The following RBFOX3 variants were observed in gnomAD, a reference collection of about 807,000 sequenced individuals.
The protein encoded by RBFOX3 is RNA binding protein fox-1 homolog 3.
Under a neutral mutation model 48.7 loss-of-function variants are expected in RBFOX3, and 17 were observed. That is an observed-to-expected ratio of 0.35 (90% CI 0.24 to 0.52). The LOEUF (loss-of-function observed/expected upper bound fraction) is 0.52. RBFOX3 is among the 20% of genes least tolerant of loss of function. The probability of loss-of-function intolerance (pLI) is 0.94; values close to 1 mark genes in which losing one functional copy is unlikely to be tolerated. For synonymous variants in RBFOX3, 212 were observed against 209.5 expected, an observed-to-expected ratio of 1.01 and a Z score of -0.10; for missense variants, 382 against 497.5, an observed-to-expected ratio of 0.77 and a Z score of 2.21.
chr17:79,382,710 C>G (rs1010289330), intron 2 of RBFOX3, among the ~76,000 whole-genome samples: 1 of 152,240 alleles, frequency 6.6e-6, no homozygotes, highest in Non-Finnish European at 1.5e-5. Flanking sequence ...CTTCTGAATG[C>G]CATTCACCCA....
At chr17:79,614,306 T>A (rs1599295548), upstream of RBFOX3, among the ~76,000 whole-genome samples, 1 of 152,154 alleles carries the variant, frequency 6.6e-6, no homozygotes, top group East Asian at 1.9e-4. Flanking sequence ...AGAGCCCCCC[T>A]TTTCCCTCAC....
At chr17:79,411,255 G>A (rs2064287835) in intron 2 of RBFOX3, among the ~76,000 whole-genome samples, 1 of 152,152 alleles carries the variant, frequency 6.6e-6, no homozygotes, top group South Asian at 2.1e-4. Context: ...CTATATCGAA[G>A]GGTCCCAAAG....
chr17:79,096,058 G>A (rs2075173557), intron 12 of RBFOX3, among the ~76,000 whole-genome samples: 1 of 152,224 alleles, frequency 6.6e-6, no homozygotes, highest in Admixed American at 6.5e-5. Flanking sequence ...AAGGGCACAA[G>A]AGGACGTGAG....
intron 2 of RBFOX3, among the ~76,000 whole-genome samples, chr17:79,330,088 C>T (rs1174179347): frequency 1.3e-5 from 2 of 152,198 alleles, no homozygotes; most frequent in Non-Finnish European, 1.5e-5. Context: ...ACATGAACTC[C>T]AGAGACTCTT....
intron 4 of RBFOX3, among the ~76,000 whole-genome samples, chr17:79,144,026 A>C (rs2042490887): frequency 6.6e-6 from 1 of 152,220 alleles, no homozygotes; most frequent in Non-Finnish European, 1.5e-5. Context: ...CCCCGTGCCC[A>C]GCTCTGCCCG....
chr17:79,366,892 C>G (rs1321576357), intron 2 of RBFOX3, among the ~76,000 whole-genome samples: 3 of 152,232 alleles, frequency 2.0e-5, no homozygotes, highest in Non-Finnish European at 4.4e-5. Flanking sequence ...AGCTGAGTCC[C>G]TCCCAGAGTA....
intron 4 of RBFOX3, among the ~76,000 whole-genome samples, chr17:79,136,958 A>T (rs905232866): frequency 3.3e-5 from 5 of 152,100 alleles, no homozygotes; most frequent in African/African-American, 9.7e-5. Context: ...GCGTGGGGAC[A>T]GCTTGTATGG....
At chr17:79,626,423 C>T in the RBFOX3 span, among the ~76,000 whole-genome samples, 1 of 152,220 alleles carries the variant, frequency 6.6e-6, no homozygotes, top group Non-Finnish European at 1.5e-5. Flanking sequence ...AAGCAGGAAG[C>T]GGCCACTGTC....
At chr17:79,623,589 G>A in the RBFOX3 span, among the ~76,000 whole-genome samples, 1 of 152,078 alleles carries the variant, frequency 6.6e-6, no homozygotes, top group East Asian at 1.9e-4. Flanking sequence ...AAGGCGGGGT[G>A]GATTGCTTGA....
At chr17:79,187,488 G>A (rs932965285) in intron 4 of RBFOX3, among the ~76,000 whole-genome samples, 7 of 151,668 alleles carry the variant, frequency 4.6e-5, no homozygotes, top group African/African-American at 1.5e-4. Flanking sequence ...CGCAGAGCCA[G>A]ACCTTCCTGC....
chr17:79,422,273 G>C (rs1210821300), intron 2 of RBFOX3, among the ~76,000 whole-genome samples: 1 of 152,034 alleles, frequency 6.6e-6, no homozygotes, highest in Non-Finnish European at 1.5e-5. Flanking sequence ...GCACAGCCTC[G>C]TCTTCCTGGT....
In RBFOX3 at chr17:79,356,374, T is replaced by TG. The variant is rs1568101212; in HGVS notation, c.-174-48551_-174-48550insC. Among the ~76,000 whole-genome samples the TG allele has an allele frequency of 2.8e-5, 3 of 105,880 alleles. 1 individual carries two copies. The highest frequency in any genetic ancestry group is 2.1e-4 in the Admixed American group (2 of 9,306). 69.5% of individuals were successfully genotyped at this position (105,880 alleles called of 152,430 possible). ...TTTTTTTTTTTTTTTTTTTTTTTTT[T>TG]TTTTTTTTTTTTGAGGAGGAGTCTC... On this transcript the variant is annotated intron_variant, in intron 2 of 14. Transcript: ENST00000693108.
intron 2 of RBFOX3, among the ~76,000 whole-genome samples, chr17:79,409,332 G>GC (rs2063959517): frequency 3.9e-5 from 6 of 152,188 alleles, no homozygotes; most frequent in Admixed American, 3.9e-4. Flanking sequence ...ATTTCTTTGA[G>GC]CCCCCACTGC....
upstream of RBFOX3, among the ~76,000 whole-genome samples, chr17:79,611,130 TTCTCTC>T (rs1173570495): frequency 1.9e-4 from 7 of 37,814 alleles, 1 homozygote; most frequent in African/African-American, 1.8e-3. Flanking sequence ...TCCGCCCTCC[TTCTCTC>T]TCTCTCTCTC....
chr17:79,349,817 G>A (rs906686994), intron 2 of RBFOX3, among the ~76,000 whole-genome samples: 9 of 151,850 alleles, frequency 5.9e-5, no homozygotes, highest in Non-Finnish European at 8.8e-5. Context: ...TAGGGAAGCC[G>A]AGGTAGGCAC....
At chr17:79,641,837 G>C in the RBFOX3 span, among the ~76,000 whole-genome samples, 3 of 152,128 alleles carry the variant, frequency 2.0e-5, no homozygotes, top group Admixed American at 6.5e-5. Flanking sequence ...GTTCTCATGA[G>C]ACCTGGTTGT....
At chr17:79,177,864 T>A (rs2050941653) in intron 4 of RBFOX3, among the ~76,000 whole-genome samples, 1 of 152,130 alleles carries the variant, frequency 6.6e-6, no homozygotes, top group African/African-American at 2.4e-5. Context: ...CTGCTCCCCA[T>A]TGCCTGGACC....
chr17:79,246,676 T>C (rs1321371759), intron 3 of RBFOX3, among the ~76,000 whole-genome samples: 1 of 152,174 alleles, frequency 6.6e-6, no homozygotes, highest in Non-Finnish European at 1.5e-5. Context: ...TCTCCTATGC[T>C]GGTGAGATCT....
At chr17:79,313,480 C>G (rs578157447) in intron 2 of RBFOX3, among the ~76,000 whole-genome samples, 2 of 152,290 alleles carry the variant, frequency 1.3e-5, no homozygotes, top group East Asian at 3.9e-4. Context: ...CACCCCAGAC[C>G]CCCCTGCAGG....
Sources: gnomAD v4.1 joint callset for allele counts (sites outside exome capture counted in the v4.1 genomes callset) on GRCh38, gnomAD v4.1.1 for gene constraint, MANE v1.5 for transcripts, NCBI Gene and HGNC (gene_info 2026-07-23, HGNC 2026-07-21) for gene names.